Variants in ENOSF1 observed in about 807,000 individuals in gnomAD.
The protein encoded by ENOSF1 is mitochondrial enolase superfamily member 1.
In ENOSF1, 73 loss-of-function variants were observed where a neutral mutation model predicts 68.2. That is an observed-to-expected ratio of 1.07 (90% CI 0.89 to 1.30). The LOEUF (loss-of-function observed/expected upper bound fraction) is 1.30, where lower values mean the gene tolerates loss of function less well. Among genes scored for constraint, ENOSF1 ranks in the 50% most tolerant of loss-of-function variants. The pLI, the probability that ENOSF1 is intolerant of heterozygous loss-of-function variation, is 0.00. For missense variants in ENOSF1, 589 were observed against 554.5 expected, an observed-to-expected ratio of 1.06 and a Z score of -0.62; for synonymous variants, 223 against 210.4, an observed-to-expected ratio of 1.06 and a Z score of -0.52.
Position 670,837 on chromosome 18 carries a change from G to A in ENOSF1, c.*3468C>T, listed in dbSNP as rs769045087. The A allele has an allele frequency of 6.2e-6, 10 of 1,613,890 alleles. No individual in the cohort carries two copies. Among genetic ancestry groups the A allele is most frequent in the East Asian group, 2.2e-5 (1 of 44,894 alleles). On this transcript the variant is annotated 3_prime_UTR_variant, in exon 16 of 16. Coordinates refer to ENST00000647584, the MANE Select transcript of ENOSF1 (RefSeq NM_017512.7). ...ACATCGCCAGCTACGCCCTGCTCAC[G>A]TACATGATTGCGCACATCACGGGCC...
At chr18:675,610 T>C (rs932898604) in intron 14 of ENOSF1, 1 of 568,708 alleles carries the variant, frequency 1.8e-6, no homozygotes, top group African/African-American at 1.9e-5. Context: ...GTGGGGACTT[T>C]GATGACATGA....
intron 2 of ENOSF1, among the ~76,000 whole-genome samples, 190 bp from the exon 3 acceptor site, chr18:697,545 G>A (rs1291614922): frequency 1.3e-5 from 2 of 152,126 alleles, no homozygotes; most frequent in Admixed American, 1.3e-4. Flanking sequence ...GAGATGAGGA[G>A]CTCCAGACCA....
At chr18:711,233 G>C (rs1435923492) in intron 1 of ENOSF1, among the ~76,000 whole-genome samples, 1 of 151,990 alleles carries the variant, frequency 6.6e-6, no homozygotes. Flanking sequence ...TAAAAATGCA[G>C]GATGAACTTA....
chr18:708,952 A>G (rs983751806), intron 1 of ENOSF1, among the ~76,000 whole-genome samples: 4 of 152,184 alleles, frequency 2.6e-5, no homozygotes, highest in African/African-American at 9.7e-5. Context: ...CAATGGAAAA[A>G]GGAAACCTTG....
Position 677,492 on chromosome 18 carries a change from G to T in ENOSF1, c.1049-48C>A, listed in dbSNP as rs750544523. Reference sequence around the variant, plus strand: ...TAATACCAAGAGTAGGGCAGGGAGAGGAAGGGGTGAAAGGGAACTTTCTGG... The same window carrying T: ...TAATACCAAGAGTAGGGCAGGGAGATGAAGGGGTGAAAGGGAACTTTCTGG... On this transcript the variant is annotated intron_variant, in intron 13 of 15. Coordinates refer to ENST00000647584, the MANE Select transcript of ENOSF1 (RefSeq NM_017512.7). 12 of 1,536,254 alleles carry T rather than the reference G, an allele frequency of 7.8e-6. 1 individual carries two copies. The East Asian group carries it at 2.5e-4, about 32-fold the overall frequency.
chr18:674,455 A>G (rs1016113280), intron 15 of ENOSF1, 49 bp from the exon 16 acceptor site: 1 of 1,208,654 alleles, frequency 8.3e-7, no homozygotes, highest in Non-Finnish European at 1.2e-6. Context: ...CCTGGAACAA[A>G]AACAGATTTT....
downstream of ENOSF1, chr18:668,979 G>C (rs1465968155): frequency 4.7e-6 from 5 of 1,055,904 alleles, no homozygotes; most frequent in African/African-American, 6.3e-5. Context: ...GGGGGACCCT[G>C]GGTAAGAGAC....
intron 1 of ENOSF1, among the ~76,000 whole-genome samples, chr18:708,492 G>A (rs1036957213): frequency 2.6e-5 from 4 of 151,990 alleles, no homozygotes; most frequent in African/African-American, 4.8e-5. Context: ...GCAACAAAGC[G>A]AGACCCCATC....
At chr18:666,400 C>T (rs2074816963), downstream of ENOSF1, among the ~76,000 whole-genome samples, 1 of 152,112 alleles carries the variant, frequency 6.6e-6, no homozygotes, top group Non-Finnish European at 1.5e-5. Flanking sequence ...CCCAGCTCTG[C>T]AGAGGTGGAG....
Position 677,372 on chromosome 18 carries a change from A to C in ENOSF1, c.1121T>G (p.Ile374Arg). 6.2e-7 allele frequency: 1 copy of C among 1,613,866 alleles called. No individual in the cohort carries two copies. Among genetic ancestry groups the C allele is most frequent in the Non-Finnish European group, 8.5e-7 (1 of 1,179,950 alleles). Residue 374 changes from isoleucine (I) to arginine (R), a missense_variant, in exon 14 of 16, where the codon ATA (isoleucine) becomes AGA (arginine). Coordinates refer to ENST00000647584, the MANE Select transcript of ENOSF1 (RefSeq NM_017512.7). ...ATTTTCAAGGCTTGCAGAAACTGAT[A>C]TGTAGTCAAATATAATCAGGTGCTG... ...LVQHLIIFDY[I>R]SVSASLENRV...
At chr18:697,171 G>T in intron 3 of ENOSF1, 69 bp downstream of exon 3, 2 of 996,936 alleles carry the variant, frequency 2.0e-6, no homozygotes, top group Non-Finnish European at 3.2e-6. Context: ...CACATTCGTT[G>T]CACTCAAAGG....
intron 10 of ENOSF1, among the ~76,000 whole-genome samples, 198 bp downstream of exon 10, chr18:685,723 G>C (rs1463948731): frequency 6.6e-6 from 1 of 152,170 alleles, no homozygotes; most frequent in Non-Finnish European, 1.5e-5. Flanking sequence ...TACTTAACTA[G>C]TTCTGCAGAA....
At chr18:679,323 C>G (rs1038452061) in intron 11 of ENOSF1, among the ~76,000 whole-genome samples, 2 of 151,344 alleles carry the variant, frequency 1.3e-5, no homozygotes, top group Non-Finnish European at 2.9e-5. Context: ...GATTCTCGTG[C>G]CTCAGCCTCC....
chr18:706,559 G>A lies in ENOSF1; in HGVS notation c.104C>T (p.Ser35Leu), dbSNP rs755594046. The A allele has an allele frequency of 9.9e-6, 16 of 1,613,470 alleles. No homozygotes were observed. Among genetic ancestry groups the A allele is most frequent in the Middle Eastern group, 1.6e-4 (1 of 6,084 alleles). ...ADAMHTDPDY[S>L]AAYVVIETDA... Reference sequence around the variant, plus strand: ...AGTTTCTATGACGACATAGGCAGCCGAGTAGTCAGGGTCCGTGTGCTGCAG... The same window carrying A: ...AGTTTCTATGACGACATAGGCAGCCAAGTAGTCAGGGTCCGTGTGCTGCAG... The change falls in exon 2 of 16, where the codon TCG (serine) becomes TTG (leucine). Residue 35 changes from serine (S) to leucine (L), a missense_variant. Transcript: ENST00000647584.
chr18:705,169 G>A (rs2078803261), intron 2 of ENOSF1, among the ~76,000 whole-genome samples: 1 of 152,108 alleles, frequency 6.6e-6, no homozygotes, highest in South Asian at 2.1e-4. Context: ...CAACTACTGA[G>A]AGCGCTGATG....
At chr18:666,423 A>G (rs2074817337), downstream of ENOSF1, among the ~76,000 whole-genome samples, 1 of 152,154 alleles carries the variant, frequency 6.6e-6, no homozygotes, top group Admixed American at 6.5e-5. Flanking sequence ...AGAATGAAAC[A>G]TCTCACTCCT....
At chr18:695,797 C>T (rs1038538766) in intron 3 of ENOSF1, among the ~76,000 whole-genome samples, 1 of 152,078 alleles carries the variant, frequency 6.6e-6, no homozygotes, top group African/African-American at 2.4e-5. Context: ...GGTTATAAGC[C>T]ATTACTATCA....
In ENOSF1 at chr18:697,320, G is replaced by A; in HGVS notation, c.229C>T (p.Leu77Phe). Residue 77 changes from leucine (L) to phenylalanine (F), a missense_variant, in exon 3 of 16, where the codon CTC becomes TTC. Transcript: ENST00000647584. The part of the protein sequence containing the change: ...CAVNALAHHV[L>F]NKDLKDIVGD... ...ACAATGTCCTTGAGGTCCTTGTTGA[G>A]CACATGGTGGGCGAGGGCATTCACA... 6.2e-7 allele frequency: 1 copy of A among 1,613,968 alleles called. No homozygotes were observed. Among genetic ancestry groups the A allele is most frequent in the Non-Finnish European group, 8.5e-7 (1 of 1,179,896 alleles).
intron 2 of ENOSF1, among the ~76,000 whole-genome samples, chr18:697,792 TTTTC>T (rs1164239237): frequency 2.6e-5 from 4 of 151,122 alleles, no homozygotes; most frequent in Non-Finnish European, 4.4e-5. Context: ...ATATGTTTTC[TTTTC>T]TTTTCTTTTC....
Sources: allele counts gnomAD v4.1 joint callset (sites outside exome capture counted in the v4.1 genomes callset), GRCh38; gene constraint gnomAD v4.1.1; transcripts MANE v1.5; gene names NCBI Gene and HGNC (gene_info 2026-07-23, HGNC 2026-07-21).